The following NRXN1 variants were observed in gnomAD, a reference collection of about 807,000 sequenced individuals.
The protein encoded by NRXN1 is neurexin 1, also known as neurexin-1.
NRXN1 carries 39 observed loss-of-function variants against 150.9 expected under a neutral mutation model. The ratio of observed to expected loss-of-function variants is 0.26; its 90% CI spans 0.20 to 0.34. NRXN1 has a LOEUF of 0.34. Ranked by LOEUF, NRXN1 falls within the 10% of genes least tolerant of loss-of-function variation. NRXN1 has a pLI of 1.00. For synonymous variants in NRXN1, 924 were observed against 757.0 expected, an observed-to-expected ratio of 1.22 and a Z score of -3.62; for missense variants, 1,815 against 1,949.9, an observed-to-expected ratio of 0.93 and a Z score of 1.30.
At chr2:50,603,945 C>A (rs1232643150) in intron 8 of NRXN1, among the ~76,000 whole-genome samples, 1 of 152,138 alleles carries the variant, frequency 6.6e-6, no homozygotes, top group Non-Finnish European at 1.5e-5. Flanking sequence ...CTCCTTTTCA[C>A]TTTAATCTGA....
intron 18 of NRXN1, among the ~76,000 whole-genome samples, chr2:50,170,164 C>T (rs2059940962): frequency 1.3e-5 from 2 of 151,788 alleles, no homozygotes; most frequent in South Asian, 2.1e-4. Context: ...CACACACACA[C>T]ATATGTACAC....
chr2:50,715,873 C>A (rs746328229), intron 5 of NRXN1, among the ~76,000 whole-genome samples: 2 of 152,144 alleles, frequency 1.3e-5, no homozygotes, highest in Admixed American at 6.6e-5. Context: ...GAACTCTCAA[C>A]GCACTTCTTT....
At chr2:50,328,082 C>T (rs912737051) in intron 17 of NRXN1, among the ~76,000 whole-genome samples, 7 of 152,126 alleles carry the variant, frequency 4.6e-5, no homozygotes, top group Non-Finnish European at 7.4e-5. Flanking sequence ...CAACAGAGAG[C>T]ATCTTGAAAA....
chr2:50,498,769 C>G (rs1003209797), intron 13 of NRXN1, among the ~76,000 whole-genome samples: 1 of 152,176 alleles, frequency 6.6e-6, no homozygotes, highest in Non-Finnish European at 1.5e-5. Flanking sequence ...GTGATTCACA[C>G]CCAACATCTT....
In NRXN1 at chr2:50,836,241, G is replaced by A. The variant is rs373294026; in HGVS notation, c.832+85628C>T. Among the ~76,000 whole-genome samples, 45 of 151,948 alleles carry A rather than the reference G, an allele frequency of 3.0e-4. 7 individuals carry two copies. Among genetic ancestry groups the A allele is most frequent in the Admixed American group, 2.4e-3 (37 of 15,272 alleles). On this transcript the variant is annotated intron_variant, in intron 5 of 22. Coordinates refer to ENST00000401669, the MANE Select transcript of NRXN1 (RefSeq NM_001330078.2). ...AAATAATAATTTTACTTATTTATAG[G>A]GTACAATGTGTTGTTTTGATGTATG...
chr2:50,828,458 C>T (rs1670856498), intron 5 of NRXN1, among the ~76,000 whole-genome samples: 1 of 151,442 alleles, frequency 6.6e-6, no homozygotes, highest in African/African-American at 2.4e-5. Flanking sequence ...CGGAGGGGCT[C>T]CTCACTTCTC....
At chr2:50,453,436 C>G (rs1339691182) in intron 17 of NRXN1, among the ~76,000 whole-genome samples, 1 of 152,112 alleles carries the variant, frequency 6.6e-6, no homozygotes, top group Non-Finnish European at 1.5e-5. Flanking sequence ...TAGACAAATT[C>G]TAGTATTCTT....
At chr2:51,016,502 A>T (rs1668683779) in intron 2 of NRXN1, among the ~76,000 whole-genome samples, 1 of 152,220 alleles carries the variant, frequency 6.6e-6, no homozygotes, top group African/African-American at 2.4e-5. Flanking sequence ...TATGTGAAAA[A>T]TAGCTCATCA....
At position 50,901,216 on chromosome 2, in the gene NRXN1, C is replaced by A. The variant is rs559976173; in HGVS notation, c.832+20653G>T. ...ATTCAATAAATTTGAACTGAGTGAA[C>A]AGAATGAATTAATATCCAATAAAGA... On this transcript the variant is annotated intron_variant, in intron 5 of 22. Transcript: ENST00000401669. Among the ~76,000 whole-genome samples, 10 of 152,150 alleles carry A rather than the reference C, an allele frequency of 6.6e-5. No homozygotes were observed. In the South Asian group the frequency reaches 2.1e-3, roughly 32 times the overall value.
At chr2:50,953,185 A>C (rs1226350756) in intron 2 of NRXN1, among the ~76,000 whole-genome samples, 1 of 152,208 alleles carries the variant, frequency 6.6e-6, no homozygotes, top group Non-Finnish European at 1.5e-5. Flanking sequence ...TAGCACATCC[A>C]TTGAACAAAG....
At chr2:50,968,656 TCA>T in intron 2 of NRXN1, among the ~76,000 whole-genome samples, 1 of 152,252 alleles carries the variant, frequency 6.6e-6, no homozygotes, top group Middle Eastern at 3.4e-3. Flanking sequence ...TATTATATTT[TCA>T]CATTTAATAA....
At chr2:50,220,231 T>C (rs891396428) in intron 18 of NRXN1, among the ~76,000 whole-genome samples, 1 of 151,166 alleles carries the variant, frequency 6.6e-6, no homozygotes, top group African/African-American at 2.4e-5. Context: ...TATACTGTGA[T>C]GGAAGGAAAT....
intron 21 of NRXN1, among the ~76,000 whole-genome samples, chr2:50,035,911 A>C (rs149214864): frequency 4.1e-4 from 62 of 152,236 alleles, no homozygotes; most frequent in African/African-American, 1.4e-3. Context: ...ACTTCTAAGG[A>C]GGAAAGGAGA....
intron 17 of NRXN1, among the ~76,000 whole-genome samples, chr2:50,336,770 G>A (rs1233229399): frequency 6.6e-6 from 1 of 152,162 alleles, no homozygotes; most frequent in Non-Finnish European, 1.5e-5. Flanking sequence ...GATGTCATTT[G>A]AGATTAATAA....
intron 5 of NRXN1, among the ~76,000 whole-genome samples, chr2:50,776,596 T>C (rs1703669349): frequency 6.6e-6 from 1 of 151,006 alleles, no homozygotes; most frequent in Non-Finnish European, 1.5e-5. Flanking sequence ...ATGTATTATA[T>C]ATGAAAAGTA....
intron 22 of NRXN1, among the ~76,000 whole-genome samples, chr2:49,942,758 CA>C (rs1377624374): frequency 6.6e-6 from 1 of 152,058 alleles, no homozygotes; most frequent in Non-Finnish European, 1.5e-5. Flanking sequence ...TACAGGTGCA[CA>C]GCACCACACC....
chr2:50,683,402 G>C (rs555110459), intron 5 of NRXN1, among the ~76,000 whole-genome samples: 1 of 150,720 alleles, frequency 6.6e-6, no homozygotes, highest in African/African-American at 2.4e-5. Context: ...GGAGGCCGAG[G>C]TGGGCGGATC....
chr2:50,523,134 T>G (rs1330030379), intron 12 of NRXN1, among the ~76,000 whole-genome samples: 2 of 64,620 alleles, frequency 3.1e-5, no homozygotes, highest in African/African-American at 8.4e-5. Flanking sequence ...CTTTACATTT[T>G]ACATGCAATT....
At chr2:50,017,652 A>T (rs1686873228) in intron 21 of NRXN1, among the ~76,000 whole-genome samples, 1 of 128,366 alleles carries the variant, frequency 7.8e-6, no homozygotes. Flanking sequence ...TTTAGAAAAA[A>T]ACACAGCCTT....
Sources: allele counts gnomAD v4.1 joint callset (sites outside exome capture counted in the v4.1 genomes callset), GRCh38; gene constraint gnomAD v4.1.1; transcripts MANE v1.5; gene names NCBI Gene and HGNC (gene_info 2026-07-23, HGNC 2026-07-21).